PCDHA7: variants seen among roughly 807,000 people sequenced by gnomAD.
PCDHA7 encodes the protein protocadherin alpha 7, also known as protocadherin alpha-7.
A neutral mutation model predicts 57.2 loss-of-function variants in PCDHA7; 37 were observed. The observed-to-expected ratio is 0.65, with a 90% CI of 0.50 to 0.85. PCDHA7 has a LOEUF of 0.85. Among genes scored for constraint, PCDHA7 ranks in the 40% least tolerant of loss-of-function variants. PCDHA7 has a pLI of 0.00. For missense variants in PCDHA7, 1,188 were observed against 1,241.8 expected, an observed-to-expected ratio of 0.96 and a Z score of 0.65; for synonymous variants, 553 against 558.8, an observed-to-expected ratio of 0.99 and a Z score of 0.15.
intron 1 of PCDHA7, among the ~76,000 whole-genome samples, chr5:140,911,235 A>G (rs1426271043): frequency 1.3e-5 from 2 of 152,146 alleles, no homozygotes; most frequent in Non-Finnish European, 2.9e-5. Flanking sequence ...TTCTTCTGGC[A>G]AAAAAAGTTT....
chr5:140,877,005 C>G, intron 1 of PCDHA7: 1 of 1,612,474 alleles, frequency 6.2e-7, no homozygotes, highest in Non-Finnish European at 8.5e-7. Context: ...TGTCGGTGCA[C>G]GCGGAGAGCG....
intron 1 of PCDHA7, chr5:140,877,758 G>C: frequency 6.2e-7 from 1 of 1,614,190 alleles, no homozygotes; most frequent in Non-Finnish European, 8.5e-7. Context: ...GCTCTGCAGA[G>C]AGCCCGCCCA....
At chr5:140,843,834 G>C in intron 1 of PCDHA7, 1 of 1,102,920 alleles carries the variant, frequency 9.1e-7, no homozygotes, top group Non-Finnish European at 1.3e-6. Flanking sequence ...ACATTGTTTA[G>C]TTTTTAGAAA....
rs370989006 is a variant in PCDHA7, at chr5:141,009,739, C to G, written c.2616C>G (p.Pro872=). The G allele has an allele frequency of 1.2e-6, 2 of 1,614,010 alleles. No homozygotes were observed. Among genetic ancestry groups the G allele is most frequent in the Non-Finnish European group, 8.5e-7 (1 of 1,180,008 alleles). The change falls in exon 4 of 4, where the codon CCC becomes CCG. Residue 872 remains proline (P), a synonymous_variant. Transcript: ENST00000525929. ...AACAATCCGGTCCCGGTGAGTTGCCCGACAAATTCATTATCCCAGGATCTC... is the reference window on the plus strand; with the variant it reads ...AACAATCCGGTCCCGGTGAGTTGCCGGACAAATTCATTATCCCAGGATCTC... The part of the protein sequence containing the change: ...NPKQSGPGEL[P]DKFIIPGSPA...
chr5:140,928,701 G>T, intron 1 of PCDHA7: 1 of 1,614,132 alleles, frequency 6.2e-7, no homozygotes, highest in Non-Finnish European at 8.5e-7. Context: ...TCTCCCGGGC[G>T]TCTGACTCTA....
Position 140,836,712 on chromosome 5 carries a change from C to T in PCDHA7, c.2329C>T (p.Pro777Ser), listed in dbSNP as rs2150268278. The change falls in exon 1 of 4, where the codon CCT (proline) becomes TCT (serine). Residue 777 changes from proline (P) to serine (S), a missense_variant. This residue lies in a region of PCDHA7 where 892 missense variants were observed against 788.5 expected (regional missense o/e 1.13). Transcript: ENST00000525929. Reference sequence around the variant, plus strand: ...CCTCATGGCCTTCAGTCCCAGCCTTCCTCAGGGTCCATCCTCTACAGACAA... The same window carrying T: ...CCTCATGGCCTTCAGTCCCAGCCTTTCTCAGGGTCCATCCTCTACAGACAA... ...TDLMAFSPSLPQGPSSTDNPR... is the reference protein window; with the variant it reads ...TDLMAFSPSLSQGPSSTDNPR... 1.9e-6 allele frequency: 3 copies of T among 1,612,872 alleles called. 1 individual carries two copies. In the African/African-American group the frequency reaches 4.0e-5, roughly 22 times the overall value.
chr5:140,967,173 T>C, intron 1 of PCDHA7: 1 of 1,611,178 alleles, frequency 6.2e-7, no homozygotes, highest in Non-Finnish European at 8.5e-7. Context: ...GCCGTTGAGG[T>C]GGAAATATTG....
intron 1 of PCDHA7, chr5:140,856,880 T>TA: frequency 6.3e-7 from 1 of 1,594,256 alleles, no homozygotes; most frequent in Non-Finnish European, 8.6e-7. Flanking sequence ...GGAAATGATG[T>TA]ATTCATTTAG....
chr5:140,940,485 ACAAGT>A (rs1554213400), intron 1 of PCDHA7, among the ~76,000 whole-genome samples: 1 of 151,718 alleles, frequency 6.6e-6, no homozygotes, highest in African/African-American at 2.4e-5. Flanking sequence ...TTTTTTCAAG[ACAAGT>A]CTTGCTCCGT....
At chr5:140,871,062 C>CT in intron 1 of PCDHA7, 1 of 1,613,220 alleles carries the variant, frequency 6.2e-7, no homozygotes, top group South Asian at 1.1e-5. Context: ...TGAAGGATCA[C>CT]GGTGAGCCGG....
chr5:140,975,016 G>T (rs782435284), intron 1 of PCDHA7, among the ~76,000 whole-genome samples: 6 of 152,128 alleles, frequency 3.9e-5, no homozygotes, highest in Non-Finnish European at 8.8e-5. Context: ...AACACAGCTG[G>T]GCTGTGTTGT....
intron 1 of PCDHA7, chr5:140,884,353 T>C: frequency 1.2e-6 from 2 of 1,613,886 alleles, no homozygotes; most frequent in Non-Finnish European, 1.7e-6. Context: ...CGCTGGTGGA[T>C]GTCAATGTTT....
intron 1 of PCDHA7, among the ~76,000 whole-genome samples, chr5:140,878,675 G>C (rs1582445027): frequency 6.6e-6 from 1 of 152,048 alleles, no homozygotes; most frequent in East Asian, 1.9e-4. Flanking sequence ...TTTAACCAGG[G>C]AATAAAGTCT....
intron 1 of PCDHA7, chr5:140,869,974 T>G: frequency 6.2e-7 from 1 of 1,613,252 alleles, no homozygotes; most frequent in Non-Finnish European, 8.5e-7. Context: ...TGGAAGACAC[T>G]TATTTACACT....
At chr5:140,967,059 C>T in intron 1 of PCDHA7, 1 of 1,612,750 alleles carries the variant, frequency 6.2e-7, no homozygotes, top group Non-Finnish European at 8.5e-7. Flanking sequence ...ACGAGTGGAG[C>T]GCTCTTCGTC....
intron 1 of PCDHA7, chr5:140,877,194 A>G (rs1350324855): frequency 1.2e-6 from 2 of 1,613,646 alleles, no homozygotes; most frequent in Non-Finnish European, 1.7e-6. Context: ...GCAGCGCAGG[A>G]GGCGCAGTTA....
chr5:140,929,070 G>A lies in PCDHA7; in HGVS notation c.2356-49879G>A, dbSNP rs2085795989. 2.5e-6 allele frequency: 4 copies of A among 1,614,200 alleles called. No homozygotes were observed. The African/African-American group carries it at 5.3e-5, about 22-fold the overall frequency. ...GCTGTCGCTCTACAGAGGATCTGAG[G>A]TATGGAAGTAAGATGGTTTCAAATC... On this transcript the variant is annotated intron_variant, in intron 1 of 3. Coordinates refer to ENST00000525929, the MANE Select transcript of PCDHA7 (RefSeq NM_018910.3).
At chr5:140,962,203 C>T (rs1431150597) in intron 1 of PCDHA7, among the ~76,000 whole-genome samples, 1 of 152,086 alleles carries the variant, frequency 6.6e-6, no homozygotes, top group African/African-American at 2.4e-5. Flanking sequence ...CTTCCTATCT[C>T]CTTATTGATC....
rs1231856848 is a variant in PCDHA7 at position 141,000,389 on chromosome 5, CTCTCTCTA to C, written c.2504-9236_2504-9229del. 6.2e-3 allele frequency among the ~76,000 whole-genome samples: 389 copies of C among 62,448 alleles called. 3 individuals are homozygous for C. Among genetic ancestry groups the C allele is most frequent in the East Asian group, 0.011 (21 of 1,838 alleles). The allele number at this position is 62,448 out of a possible 152,430, so 41.0% of individuals were successfully genotyped here. A position where few individuals can be genotyped will look rare whatever the true frequency, so the allele number is the denominator to read the frequency against. ...TCTCTCTCTCTCTCTCTCTCTCTCT[CTCTCTCTA>C]TATATATATATATATATATATATAT... is the stretch of plus-strand genomic sequence containing the variant. On this transcript the variant is annotated intron_variant, in intron 3 of 3. Coordinates refer to ENST00000525929, the MANE Select transcript of PCDHA7 (RefSeq NM_018910.3).
Sources: allele counts gnomAD v4.1 joint callset (sites outside exome capture counted in the v4.1 genomes callset), GRCh38; gene constraint gnomAD v4.1.1; regional missense constraint gnomAD v4.1.1; transcripts MANE v1.5; gene names NCBI Gene and HGNC (gene_info 2026-07-23, HGNC 2026-07-21).